Variants in RORA observed in about 807,000 individuals in gnomAD.
RORA encodes the protein RAR related orphan receptor A, also known as nuclear receptor ROR-alpha.
In RORA, 7 loss-of-function variants were observed where a neutral mutation model predicts 69.5. That is an observed-to-expected ratio of 0.10 (90% CI 0.06 to 0.19). RORA has a LOEUF of 0.19. Among genes scored for constraint, RORA ranks in the 10% least tolerant of loss-of-function variants. The pLI, the probability that RORA is intolerant of heterozygous loss-of-function variation, is 1.00. For synonymous variants in RORA, 261 were observed against 240.8 expected (o/e 1.08, Z -0.78); for missense variants, 457 against 663.0 (o/e 0.69, Z 3.41).
chr15:60,617,008 C>T (rs151062726), intron 2 of RORA, among the ~76,000 whole-genome samples: 1 of 152,266 alleles, frequency 6.6e-6, no homozygotes, highest in East Asian at 1.9e-4. Context: ...AAGACTTGCA[C>T]AATATAGAAT....
chr15:60,941,410 A>C (rs1429986822), intron 1 of RORA, among the ~76,000 whole-genome samples: 1 of 152,242 alleles, frequency 6.6e-6, no homozygotes, highest in Non-Finnish European at 1.5e-5. Context: ...CCATTTAGCT[A>C]TTAGGACCCC....
rs375293461 is a variant in RORA, at chr15:60,870,987, G to A, written c.167-192301C>T. Among the ~76,000 whole-genome samples, 11 of 152,158 alleles carry A rather than the reference G, an allele frequency of 7.2e-5. No individual in the cohort carries two copies. In the South Asian group the frequency reaches 1.0e-3, roughly 14 times the overall value. On this transcript the variant is annotated intron_variant, in intron 1 of 10. Transcript: ENST00000335670. ...CCTGTTAGGAAGACACATCTGGTTT[G>A]CTAGACAATCAATGCAAGTTGGAGA...
chr15:60,539,084 T>G (rs1259504234), intron 2 of RORA, among the ~76,000 whole-genome samples: 2 of 151,684 alleles, frequency 1.3e-5, no homozygotes, highest in East Asian at 1.9e-4. Flanking sequence ...AAGACAAAAT[T>G]GAAGTTTTGG....
chr15:60,863,651 G>A (rs148000090), intron 1 of RORA, among the ~76,000 whole-genome samples: 1 of 152,298 alleles, frequency 6.6e-6, no homozygotes, highest in African/African-American at 2.4e-5. Context: ...TACCTTACAG[G>A]ATTGTTGGGA....
intron 1 of RORA, among the ~76,000 whole-genome samples, chr15:60,717,787 T>C (rs939940305): frequency 3.0e-5 from 4 of 132,874 alleles, no homozygotes; most frequent in South Asian, 2.6e-4. Flanking sequence ...CTTTCTTTTT[T>C]CTTTTTCTCT....
chr15:60,884,591 G>A (rs571545221), intron 1 of RORA, among the ~76,000 whole-genome samples: 29 of 152,340 alleles, frequency 1.9e-4, no homozygotes, highest in African/African-American at 5.1e-4. Flanking sequence ...GATACAGGGA[G>A]AGAGACAGGG....
At chr15:60,592,714 G>T (rs1029629985) in intron 2 of RORA, 7 of 1,053,712 alleles carry the variant, frequency 6.6e-6, no homozygotes, top group Non-Finnish European at 8.0e-6. Flanking sequence ...GTGAGTAGCA[G>T]CGGCGGCTCT....
chr15:60,947,687 A>AT (rs1892936783), intron 1 of RORA, among the ~76,000 whole-genome samples: 3 of 106,850 alleles, frequency 2.8e-5, no homozygotes, highest in South Asian at 3.5e-4. Flanking sequence ...AGAATGATCA[A>AT]TAAAAAAAAA....
intron 1 of RORA, among the ~76,000 whole-genome samples, chr15:60,948,875 G>A (rs1398493855): frequency 1.3e-5 from 2 of 152,194 alleles, no homozygotes; most frequent in African/African-American, 4.8e-5. Flanking sequence ...GGATGCAGAA[G>A]AGACTGATAG....
chr15:61,115,593 C>G (rs992255052), intron 1 of RORA, among the ~76,000 whole-genome samples: 1 of 152,120 alleles, frequency 6.6e-6, no homozygotes. Context: ...CATAAGGTAC[C>G]AGTCTCCAAA....
intron 1 of RORA, among the ~76,000 whole-genome samples, chr15:60,859,832 G>A (rs1270392473): frequency 6.6e-6 from 1 of 151,950 alleles, no homozygotes; most frequent in African/African-American, 2.4e-5. Context: ...AGTTATTCCT[G>A]CTGAATTTCT....
At chr15:61,184,983 T>G (rs1462507243) in intron 1 of RORA, among the ~76,000 whole-genome samples, 1 of 28,604 alleles carries the variant, frequency 3.5e-5, no homozygotes, top group African/African-American at 8.6e-5. Context: ...AGACCCTGTC[T>G]CTCAAAAAAA....
At chr15:61,049,277 G>A (rs543870348) in intron 1 of RORA, among the ~76,000 whole-genome samples, 1 of 152,230 alleles carries the variant, frequency 6.6e-6, no homozygotes, top group East Asian at 1.9e-4. Context: ...CACTTACGTT[G>A]GAGCTCAGCA....
chr15:60,936,387 G>T (rs1441306379), intron 1 of RORA, among the ~76,000 whole-genome samples: 1 of 152,222 alleles, frequency 6.6e-6, no homozygotes, highest in Non-Finnish European at 1.5e-5. Flanking sequence ...GAGAGCTGGT[G>T]TAATTAGCAG....
intron 1 of RORA, among the ~76,000 whole-genome samples, chr15:61,196,581 C>T (rs1353144240): frequency 6.6e-6 from 1 of 152,250 alleles, no homozygotes; most frequent in Non-Finnish European, 1.5e-5. Flanking sequence ...GCTTTCCCTG[C>T]TAGCAGCTTT....
At chr15:60,899,932 T>G (rs1354428087) in intron 1 of RORA, among the ~76,000 whole-genome samples, 2 of 152,222 alleles carry the variant, frequency 1.3e-5, no homozygotes. Flanking sequence ...TAGCTTCTAT[T>G]CCAGAGCCTG....
chr15:61,041,643 C>T (rs895965900), intron 1 of RORA, among the ~76,000 whole-genome samples: 5 of 152,156 alleles, frequency 3.3e-5, no homozygotes, highest in African/African-American at 7.2e-5. Flanking sequence ...ACTGCAGCCT[C>T]GAACTCCTGG....
chr15:60,504,029 C>T (rs1055471351), intron 6 of RORA, among the ~76,000 whole-genome samples: 15 of 151,870 alleles, frequency 9.9e-5, no homozygotes, highest in African/African-American at 2.4e-4. Flanking sequence ...TCTTGAACTC[C>T]GGACCTCAAG....
intron 1 of RORA, among the ~76,000 whole-genome samples, chr15:60,701,085 T>C (rs1015299231): frequency 6.6e-6 from 1 of 152,194 alleles, no homozygotes; most frequent in Non-Finnish European, 1.5e-5. Flanking sequence ...TCTTGTTTAC[T>C]TGTCTGTCTG....
Sources: gnomAD v4.1 joint callset for allele counts (sites outside exome capture counted in the v4.1 genomes callset) on GRCh38, gnomAD v4.1.1 for gene constraint, MANE v1.5 for transcripts, NCBI Gene and HGNC (gene_info 2026-07-23, HGNC 2026-07-21) for gene names.